Variants in EDNRB observed in about 807,000 individuals in gnomAD.
EDNRB encodes endothelin receptor type B.
Under a neutral mutation model 46.4 loss-of-function variants are expected in EDNRB, and 18 were observed. That is an observed-to-expected ratio of 0.39 (90% CI 0.27 to 0.57). EDNRB has a LOEUF of 0.57. Among genes scored for constraint, EDNRB ranks in the 20% least tolerant of loss-of-function variants. The pLI is 0.61. For synonymous variants in EDNRB, 213 were observed against 204.9 expected (o/e 1.04, Z -0.34); for missense variants, 434 against 537.5 (o/e 0.81, Z 1.90).
rs984820430 is a variant in EDNRB, at chr13:77,896,695, T to C, written c.*1505A>G. On this transcript the variant is annotated 3_prime_UTR_variant, in exon 7 of 7. Coordinates refer to ENST00000646607, the MANE Select transcript of EDNRB (RefSeq NM_001122659.3). ...TGGAACAAAATCAGGACCTTTTGCA[T>C]TGATGTGACGAGGCAATGACGAACG... 16 of 1,439,988 alleles carry C rather than the reference T, an allele frequency of 1.1e-5. No homozygotes were observed. The highest frequency in any genetic ancestry group is 6.0e-5 in the South Asian group (4 of 66,588). The allele number at this position is 1,439,988 out of a possible 1,614,324, so 89.2% of individuals were successfully genotyped here. A position where few individuals can be genotyped will look rare whatever the true frequency, so the allele number is the denominator to read the frequency against.
At chr13:77,899,312 G>A (rs1878804383) in intron 6 of EDNRB, among the ~76,000 whole-genome samples, 1 of 151,896 alleles carries the variant, frequency 6.6e-6, no homozygotes, top group South Asian at 2.1e-4. Context: ...TGAATGAATA[G>A]AAGGATGATA....
At chr13:77,953,321 T>C (rs530024304) in intron 1 of EDNRB, among the ~76,000 whole-genome samples, 137 of 152,034 alleles carry the variant, frequency 9.0e-4, no homozygotes, top group South Asian at 6.0e-3. Context: ...GTGGAAGATA[T>C]ATATTACATA....
intron 1 of EDNRB, among the ~76,000 whole-genome samples, chr13:77,930,455 A>G (rs1207923587): frequency 1.3e-5 from 2 of 152,150 alleles, no homozygotes; most frequent in African/African-American, 2.4e-5. Flanking sequence ...ACTTCAGAAC[A>G]CCTCTTCTTA....
In EDNRB at chr13:77,925,159, C is replaced by T. The variant is rs148750733; in HGVS notation, c.-51-6535G>A. Among the ~76,000 whole-genome samples, 1,222 of 152,304 alleles carry T rather than the reference C, an allele frequency of 8.0e-3. 16 individuals carry two copies. The highest frequency in any genetic ancestry group is 0.027 in the African/African-American group (1,135 of 41,558). On this transcript the variant is annotated intron_variant, in intron 1 of 7. Transcript: ENST00000646948. ...ATGAAGTCATACTGTACTTGACTTT[C>T]TGGGACTGGCTTGTTTTATTTAGCT...
intron 1 of EDNRB, among the ~76,000 whole-genome samples, chr13:77,964,377 C>A (rs568359224): frequency 2.6e-5 from 4 of 152,278 alleles, no homozygotes; most frequent in Non-Finnish European, 5.9e-5. Flanking sequence ...TGGAACCAAC[C>A]CAAATGTCCA....
chr13:77,958,749 A>T (rs2329054), intron 1 of EDNRB, among the ~76,000 whole-genome samples: 149,722 of 152,354 alleles, frequency 0.98, 73,630 homozygotes, highest in East Asian at 1. Flanking sequence ...GATCTAAAGA[A>T]GTTCTGCTAA....
chr13:77,919,369 T>C (rs1220526664), upstream of EDNRB: 9 of 1,597,652 alleles, frequency 5.6e-6, no homozygotes, highest in South Asian at 8.8e-5. Flanking sequence ...TCAATGATTT[T>C]AATTCAACAC....
chr13:77,918,872 C>T (rs1056306197), upstream of EDNRB: 11 of 1,256,930 alleles, frequency 8.8e-6, no homozygotes, highest in Admixed American at 2.6e-4. This position sits in a 1 kb window ranked among gnomAD's most constrained non-coding sequence, Gnocchi z 4.5. Flanking sequence ...TGCAGTGGGG[C>T]GGGGCGTTCT....
intron 1 of EDNRB, among the ~76,000 whole-genome samples, chr13:77,926,762 T>A (rs1327389100): frequency 2.0e-5 from 3 of 152,218 alleles, no homozygotes; most frequent in African/African-American, 2.4e-5. Flanking sequence ...ACCAATTTAC[T>A]GTATTAGTCC....
chr13:77,966,179 G>T (rs906998156), intron 1 of EDNRB, among the ~76,000 whole-genome samples: 11 of 152,114 alleles, frequency 7.2e-5, no homozygotes, highest in Non-Finnish European at 1.5e-4. Context: ...GTGAGCCACA[G>T]CACCCAGCCC....
At chr13:77,949,187 A>C (rs1403564299) in intron 1 of EDNRB, among the ~76,000 whole-genome samples, 1 of 152,236 alleles carries the variant, frequency 6.6e-6, no homozygotes, top group East Asian at 1.9e-4. Flanking sequence ...TTTCTCTTCA[A>C]GAGAAAATCT....
intron 1 of EDNRB, among the ~76,000 whole-genome samples, chr13:77,945,530 G>A (rs755252174): frequency 1.3e-4 from 20 of 152,166 alleles, no homozygotes; most frequent in Non-Finnish European, 2.2e-4. Flanking sequence ...AATCTGGAGC[G>A]AAAGGCAAAT....
intron 1 of EDNRB, among the ~76,000 whole-genome samples, chr13:77,936,504 G>A (rs749390179): frequency 2.6e-5 from 4 of 152,126 alleles, no homozygotes; most frequent in African/African-American, 4.8e-5. Context: ...AGAAGGGGGC[G>A]GACTTATCTT....
chr13:77,940,099 T>C (rs1880699863), intron 1 of EDNRB: 1 of 152,198 alleles, frequency 6.6e-6, no homozygotes, highest in Non-Finnish European at 1.5e-5. Context: ...TCACTATTAA[T>C]ACAGTTATTC....
At chr13:77,917,759 T>C (rs1382062754) in intron 1 of EDNRB, among the ~76,000 whole-genome samples, 1 of 152,240 alleles carries the variant, frequency 6.6e-6, no homozygotes, top group Non-Finnish European at 1.5e-5. Flanking sequence ...CCAGAGTTTC[T>C]GATTCAGTAG....
In EDNRB at chr13:77,954,047, C is replaced by A. The variant is rs537298567; in HGVS notation, c.-52+21300G>T. Reference sequence around the variant, plus strand: ...CAACCTGCAGGCAATGCTGCCCTATCTATATCCTTATCTACTTCCCCCTTC... The same window carrying A: ...CAACCTGCAGGCAATGCTGCCCTATATATATCCTTATCTACTTCCCCCTTC... On this transcript the variant is annotated intron_variant, in intron 1 of 7. Transcript: ENST00000646948. Among the ~76,000 whole-genome samples, 27 of 152,280 alleles carry A rather than the reference C, an allele frequency of 1.8e-4. 1 individual carries two copies. Among genetic ancestry groups the A allele is most frequent in the African/African-American group, 6.3e-4 (26 of 41,566 alleles).
chr13:77,959,164 G>A (rs1448774462), intron 1 of EDNRB, among the ~76,000 whole-genome samples: 1 of 152,134 alleles, frequency 6.6e-6, no homozygotes, highest in Non-Finnish European at 1.5e-5. Flanking sequence ...AGACTTAAAT[G>A]TCCCTGTCTG....
chr13:77,962,828 A>C (rs572653546), intron 1 of EDNRB, among the ~76,000 whole-genome samples: 1 of 152,338 alleles, frequency 6.6e-6, no homozygotes, highest in Admixed American at 6.5e-5. Context: ...GAGGAAGTCA[A>C]ATTGTCCCTG....
At chr13:77,963,298 G>A (rs1408507972) in intron 1 of EDNRB, among the ~76,000 whole-genome samples, 1 of 152,144 alleles carries the variant, frequency 6.6e-6, no homozygotes, top group Non-Finnish European at 1.5e-5. Flanking sequence ...CCAAAAAAGA[G>A]CTCACATTGC....
Sources: allele counts gnomAD v4.1 joint callset (sites outside exome capture counted in the v4.1 genomes callset), GRCh38; gene constraint gnomAD v4.1.1; non-coding constraint Gnocchi (gnomAD v3.1); transcripts MANE v1.5; gene names NCBI Gene and HGNC (gene_info 2026-07-23, HGNC 2026-07-21).